Variants in CDK19 observed in about 807,000 individuals in gnomAD.
The protein encoded by CDK19 is cyclin-dependent kinase 19.
In CDK19, 20 loss-of-function variants were observed where a neutral mutation model predicts 68.3. That is an observed-to-expected ratio of 0.29 (90% CI 0.21 to 0.43). CDK19 has a LOEUF of 0.43. Among genes scored for constraint, CDK19 ranks in the 20% least tolerant of loss-of-function variants. The pLI is 1.00. For synonymous variants in CDK19, 221 were observed against 222.8 expected (o/e 0.99, Z 0.07); for missense variants, 339 against 623.5 (o/e 0.54, Z 4.86).
chr6:110,723,374 A>C (rs908331424), intron 2 of CDK19, among the ~76,000 whole-genome samples: 2 of 152,126 alleles, frequency 1.3e-5, no homozygotes, highest in African/African-American at 4.8e-5. Context: ...CATGGCTGAG[A>C]AAAATCTATC....
At chr6:110,685,091 T>C (rs1040086518) in intron 2 of CDK19, among the ~76,000 whole-genome samples, 2 of 152,156 alleles carry the variant, frequency 1.3e-5, no homozygotes, top group Admixed American at 6.5e-5. Flanking sequence ...TGAGCCAAGA[T>C]TGTGCCACTG....
At chr6:110,811,418 T>G (rs1002110507) in intron 1 of CDK19, among the ~76,000 whole-genome samples, 3 of 152,156 alleles carry the variant, frequency 2.0e-5, no homozygotes, top group Non-Finnish European at 4.4e-5. Context: ...CACGCTCGGC[T>G]AATTTTTGTA....
intron 1 of CDK19, among the ~76,000 whole-genome samples, chr6:110,775,662 G>A (rs1242749516): frequency 3.9e-5 from 6 of 152,060 alleles, no homozygotes; most frequent in Non-Finnish European, 8.8e-5. Context: ...ATTCTTTTCT[G>A]GTAATAGGGA....
chr6:110,760,396 C>CAAAAA (rs34613571), intron 1 of CDK19, among the ~76,000 whole-genome samples: 8 of 39,768 alleles, frequency 2.0e-4, no homozygotes, highest in Admixed American at 3.5e-4. Context: ...GGCTTTGTCT[C>CAAAAA]AAAAAAAAAA....
intron 9 of CDK19, 136 bp downstream of exon 9, chr6:110,623,154 C>A: frequency 1.3e-6 from 1 of 743,014 alleles, no homozygotes; most frequent in Non-Finnish European, 2.2e-6. Context: ...AGGGTGACAT[C>A]TCAACAAAAA....
intron 1 of CDK19, among the ~76,000 whole-genome samples, chr6:110,769,962 A>G (rs936459257): frequency 6.6e-6 from 1 of 152,246 alleles, no homozygotes; most frequent in Non-Finnish European, 1.5e-5. Flanking sequence ...AAGAGAAAAT[A>G]TCCTCAAAAT....
intron 1 of CDK19, among the ~76,000 whole-genome samples, chr6:110,786,983 A>G (rs1210164683): frequency 6.6e-6 from 1 of 152,136 alleles, no homozygotes; most frequent in Non-Finnish European, 1.5e-5. Context: ...CTATCCTTCT[A>G]TCCCTTCTTG....
chr6:110,618,554 T>G (rs757484177), intron 12 of CDK19, among the ~76,000 whole-genome samples: 3 of 152,222 alleles, frequency 2.0e-5, no homozygotes, highest in Non-Finnish European at 2.9e-5. Context: ...CCGATGGTGT[T>G]AGGAGCCTGG....
chr6:110,702,078 T>C (rs559590447), intron 2 of CDK19, among the ~76,000 whole-genome samples: 87 of 150,858 alleles, frequency 5.8e-4, no homozygotes, highest in Non-Finnish European at 8.9e-4. Flanking sequence ...CAGGTGGAGG[T>C]TGCAGTGAGC....
intron 1 of CDK19, among the ~76,000 whole-genome samples, chr6:110,787,893 G>A (rs1298172150): frequency 6.6e-6 from 1 of 152,198 alleles, no homozygotes; most frequent in Admixed American, 6.5e-5. Flanking sequence ...AGGCTGGAGT[G>A]CAGTGGCGTG....
intron 2 of CDK19, among the ~76,000 whole-genome samples, chr6:110,680,000 T>C (rs1045907999): frequency 2.2e-4 from 34 of 152,214 alleles, no homozygotes; most frequent in Non-Finnish European, 2.9e-5. Context: ...AGTAATGGCC[T>C]GTAACCTAAT....
chr6:110,680,313 A>G (rs1426596737), intron 2 of CDK19, among the ~76,000 whole-genome samples: 1 of 152,218 alleles, frequency 6.6e-6, no homozygotes, highest in Non-Finnish European at 1.5e-5. Context: ...GTATTTCCTG[A>G]AAGGGCTGTG....
At position 110,623,249 on chromosome 6, in the gene CDK19, G is replaced by A. The variant is rs140371333; in HGVS notation, c.933+41C>T. The A allele has an allele frequency of 2.1e-4, 316 of 1,520,364 alleles. 1 individual carries two copies. In the Middle Eastern group the frequency reaches 2.7e-3, roughly 13 times the overall value. The allele number at this position is 1,520,364 out of a possible 1,614,324, so 94.2% of individuals were successfully genotyped here. ...GCTGAGTAAATAGAAGGCGAGATTT[G>A]TGCTGAGAATCAGATTTTAGTCTGG... On this transcript the variant is annotated intron_variant, in intron 9 of 12. Coordinates refer to ENST00000368911, the MANE Select transcript of CDK19 (RefSeq NM_015076.5).
intron 2 of CDK19, among the ~76,000 whole-genome samples, chr6:110,695,500 TAGAAC>T (rs1773399633): frequency 6.6e-6 from 1 of 151,794 alleles, no homozygotes; most frequent in African/African-American, 2.4e-5. Context: ...AAATAAAGAT[TAGAAC>T]AGAACTAAAT....
chr6:110,745,087 T>C (rs889882849), intron 2 of CDK19, among the ~76,000 whole-genome samples: 1 of 152,218 alleles, frequency 6.6e-6, no homozygotes, highest in African/African-American at 2.4e-5. Flanking sequence ...GATGTGATAT[T>C]ATGGTAAAGC....
rs537723474 is a variant in CDK19 at position 110,764,678 on chromosome 6, C to T, written c.129-18477G>A. Among the ~76,000 whole-genome samples the T allele has an allele frequency of 3.8e-4, 58 of 152,310 alleles. No individual in the cohort carries two copies. In the South Asian group the frequency reaches 0.012, roughly 31 times the overall value. ...TAAAATTTTTAGAGAAGGCCGGACA[C>T]GGTGGCTCACGCCTCCAATCCCAGT... On this transcript the variant is annotated intron_variant, in intron 1 of 12. Coordinates refer to ENST00000368911, the MANE Select transcript of CDK19 (RefSeq NM_015076.5).
chr6:110,715,333 G>A (rs545243400), intron 2 of CDK19, among the ~76,000 whole-genome samples: 10 of 152,138 alleles, frequency 6.6e-5, no homozygotes, highest in Non-Finnish European at 1.2e-4. Context: ...AAATAACTTG[G>A]TCATTTAAAC....
intron 2 of CDK19, among the ~76,000 whole-genome samples, chr6:110,709,411 C>T (rs759031856): frequency 1.3e-5 from 2 of 151,000 alleles, no homozygotes; most frequent in African/African-American, 2.4e-5. Context: ...ATGTAGATGA[C>T]GAGTTGATGG....
In CDK19 at chr6:110,613,254, C is replaced by T. The variant is rs1450872187; in HGVS notation, c.*1281G>A. On this transcript the variant is annotated 3_prime_UTR_variant, in exon 13 of 13. Coordinates refer to ENST00000368911, the MANE Select transcript of CDK19 (RefSeq NM_015076.5). Reference sequence around the variant, plus strand: ...TCTAGTATAGTCTTATACTATCCGCCCATAGTTTTTAGGCACAATTATTAA... The same window carrying T: ...TCTAGTATAGTCTTATACTATCCGCTCATAGTTTTTAGGCACAATTATTAA... The T allele has an allele frequency of 1.3e-5, 2 of 152,470 alleles. No homozygotes were observed. The highest frequency in any genetic ancestry group is 2.9e-5 in the Non-Finnish European group (2 of 68,010). 9.4% of individuals were successfully genotyped at this position (152,470 alleles called of 1,614,324 possible).
Sources: gnomAD v4.1 joint callset for allele counts (sites outside exome capture counted in the v4.1 genomes callset) on GRCh38, gnomAD v4.1.1 for gene constraint, MANE v1.5 for transcripts, NCBI Gene and HGNC (gene_info 2026-07-23, HGNC 2026-07-21) for gene names.